ADAMTS9: variants seen among roughly 807,000 people sequenced by gnomAD.
ADAMTS9 encodes ADAM metallopeptidase with thrombospondin type 1 motif 9, also known as A disintegrin and metalloproteinase with thrombospondin motifs 9.
Under a neutral mutation model 257.1 loss-of-function variants are expected in ADAMTS9, and 107 were observed. That is an observed-to-expected ratio of 0.42 (90% confidence interval 0.36 to 0.49). The LOEUF is 0.49. Ranked by LOEUF, ADAMTS9 falls within the 20% of genes least tolerant of loss-of-function variation. The pLI is 0.03. For synonymous variants in ADAMTS9, 982 were observed against 880.9 expected (o/e 1.11, Z -2.03); for missense variants, 2,353 against 2,469.1 (o/e 0.95, Z 1.00).
chr3:64,604,385 C>G (rs2106815960), intron 23 of ADAMTS9, 54 bp from the exon 24 acceptor site: 1 of 1,281,232 alleles, frequency 7.8e-7, no homozygotes, highest in African/African-American at 1.5e-5. Flanking sequence ...AATGCACTTT[C>G]AAGGTAATGG....
At chr3:64,551,851 C>T (rs761479921) in intron 30 of ADAMTS9, among the ~76,000 whole-genome samples, 34 of 152,340 alleles carry the variant, frequency 2.2e-4, no homozygotes, top group Admixed American at 3.3e-4. Flanking sequence ...AGTTTCAGCT[C>T]TCACAAGTAA....
chr3:64,595,802 C>T (rs2106793402), intron 27 of ADAMTS9, among the ~76,000 whole-genome samples: 1 of 152,218 alleles, frequency 6.6e-6, no homozygotes, highest in South Asian at 2.1e-4. Context: ...TCTTTTTCCC[C>T]CCCTTGGCAC....
rs543780985 is a variant in ADAMTS9 at position 64,647,241 on chromosome 3, T to G, written c.1710+699A>C. Reference sequence around the variant, plus strand: ...AAGATTTATATCTAAAACTTTTTGTTACCAAATTTTTGGGCTGATGATGGT... The same window carrying G: ...AAGATTTATATCTAAAACTTTTTGTGACCAAATTTTTGGGCTGATGATGGT... On this transcript the variant is annotated intron_variant, in intron 11 of 39. Transcript: ENST00000498707. 2.6e-5 allele frequency among the ~76,000 whole-genome samples: 4 copies of G among 152,272 alleles called. No individual in the cohort carries two copies. In the East Asian group the frequency reaches 7.7e-4, roughly 29 times the overall value.
chr3:64,678,657 C>A (rs759494984), intron 3 of ADAMTS9, among the ~76,000 whole-genome samples: 5 of 152,172 alleles, frequency 3.3e-5, no homozygotes, highest in African/African-American at 2.4e-5. Flanking sequence ...TGCTAGGCAG[C>A]CCCTTTTCTC....
chr3:64,654,651 G>C lies in ADAMTS9; in HGVS notation c.1170-39C>G, dbSNP rs1296117310. The C allele has an allele frequency of 3.7e-6, 6 of 1,607,040 alleles. No homozygotes were observed. The African/African-American group carries it at 8.0e-5, about 21-fold the overall frequency. On this transcript the variant is annotated intron_variant, in intron 6 of 39. Transcript: ENST00000498707. ...AGACTTAGGCCTTGATGACATCAAA[G>C]AGTAAATGTCAATACAAGTAAATAC...
chr3:64,597,089 C>T lies in ADAMTS9; in HGVS notation c.4018-98G>A, dbSNP rs540085341. ...AGGTTAAGACAAATGTGCTGAAAAG[C>T]ATTCTCAAGTCATCCACGAAGGACA... On this transcript the variant is annotated intron_variant, in intron 26 of 39. Transcript: ENST00000498707. 5.2e-4 allele frequency: 773 copies of T among 1,482,348 alleles called. 1 individual carries two copies. The highest frequency in any genetic ancestry group is 6.5e-4 in the Non-Finnish European group (712 of 1,092,896). 91.8% of individuals were successfully genotyped at this position (1,482,348 alleles called of 1,614,324 possible).
At position 64,568,568 on chromosome 3, in the gene ADAMTS9, G is replaced by GT. The variant is rs1559768580; in HGVS notation, c.4357-34dup. On this transcript the variant is annotated intron_variant, in intron 28 of 39. Transcript: ENST00000498707. ...ATAAAGCAATGGCAAGGTTGTTGTT[G>GT]TTTTTTAATTACACGGAGTTTGAGA... 7 of 1,606,296 alleles carry GT rather than the reference G, an allele frequency of 4.4e-6. No homozygotes were observed. In the East Asian group the frequency reaches 1.6e-4, roughly 36 times the overall value.
intron 27 of ADAMTS9, among the ~76,000 whole-genome samples, chr3:64,596,552 T>C (rs1254770008): frequency 6.6e-6 from 1 of 152,164 alleles, no homozygotes; most frequent in African/African-American, 2.4e-5. Flanking sequence ...TTTAAAAGCA[T>C]CTATTTTTTA....
intron 30 of ADAMTS9, 112 bp downstream of exon 30, chr3:64,561,466 G>T: frequency 8.2e-7 from 1 of 1,218,410 alleles, no homozygotes; most frequent in Non-Finnish European, 1.1e-6. Flanking sequence ...GAAAGAGCCA[G>T]CATTGTAACC....
chr3:64,550,689 T>A (rs1170752418), intron 31 of ADAMTS9: 4 of 600,782 alleles, frequency 6.7e-6, no homozygotes, highest in African/African-American at 3.7e-5. Flanking sequence ...TTAGAGACCA[T>A]CTCTTACATC....
At chr3:64,569,606 A>T (rs1462489995) in intron 28 of ADAMTS9, among the ~76,000 whole-genome samples, 2 of 151,216 alleles carry the variant, frequency 1.3e-5, no homozygotes, top group African/African-American at 4.9e-5. Flanking sequence ...CTCATGAAAC[A>T]TATTAACTCA....
At chr3:64,631,698 C>T (rs758110078) in intron 15 of ADAMTS9, 110 bp downstream of exon 15, 41 of 1,211,766 alleles carry the variant, frequency 3.4e-5, no homozygotes, top group Admixed American at 1.1e-4. Flanking sequence ...TCCACCATAA[C>T]GAGACTGATT....
intron 38 of ADAMTS9, among the ~76,000 whole-genome samples, chr3:64,531,529 G>A (rs957949421): frequency 1.3e-5 from 2 of 150,632 alleles, no homozygotes; most frequent in Non-Finnish European, 2.9e-5. Flanking sequence ...GTGCAGTCGC[G>A]CAATCATGGC....
chr3:64,658,526 G>A lies in ADAMTS9; in HGVS notation c.945C>T (p.His315=). 6.2e-7 allele frequency: 1 copy of A among 1,612,884 alleles called. No individual in the cohort carries two copies. The highest frequency in any genetic ancestry group is 8.5e-7 in the Non-Finnish European group (1 of 1,179,662). The part of the protein sequence containing the change: ...MVSYHGENLQ[H]YILTLMSIVA... Reference sequence around the variant, plus strand: ...CAATTGACATTAAAGTTAAAATATAGTGTTGAAGGTTTTCTCCATGGTATG... The same window carrying A: ...CAATTGACATTAAAGTTAAAATATAATGTTGAAGGTTTTCTCCATGGTATG... Residue 315 remains histidine, a synonymous_variant, in exon 4 of 40, where the codon CAC becomes CAT. Coordinates refer to ENST00000498707, the MANE Select transcript of ADAMTS9 (RefSeq NM_182920.2).
chr3:64,531,148 A>G (rs1464881368), intron 38 of ADAMTS9, among the ~76,000 whole-genome samples: 1 of 151,014 alleles, frequency 6.6e-6, no homozygotes, highest in East Asian at 2.0e-4. Context: ...GAGAAGAGAG[A>G]GAGTGAGATA....
intron 29 of ADAMTS9, among the ~76,000 whole-genome samples, chr3:64,566,373 G>A (rs1390650798): frequency 1.3e-5 from 2 of 152,104 alleles, no homozygotes; most frequent in Non-Finnish European, 2.9e-5. Context: ...AATCAAATCA[G>A]GACATTATAA....
intron 23 of ADAMTS9, among the ~76,000 whole-genome samples, chr3:64,604,997 G>C (rs1559787945): frequency 6.6e-6 from 1 of 152,328 alleles, no homozygotes; most frequent in African/African-American, 2.4e-5. Context: ...ATTATCCTGT[G>C]ACTTAATACA....
At chr3:64,530,325 G>A (rs1283462888) in intron 38 of ADAMTS9, among the ~76,000 whole-genome samples, 8 of 152,050 alleles carry the variant, frequency 5.3e-5, no homozygotes, top group African/African-American at 1.7e-4. Flanking sequence ...AGTGTTGGGC[G>A]GTGGAAGCCT....
At chr3:64,659,578 C>T (rs1701175861) in intron 3 of ADAMTS9, among the ~76,000 whole-genome samples, 1 of 151,384 alleles carries the variant, frequency 6.6e-6, no homozygotes, top group Admixed American at 6.6e-5. Flanking sequence ...ACAGACGATA[C>T]AGAGGAACTG....
Sources: gnomAD v4.1 joint callset for allele counts (sites outside exome capture counted in the v4.1 genomes callset) on GRCh38, gnomAD v4.1.1 for gene constraint, MANE v1.5 for transcripts, NCBI Gene and HGNC (gene_info 2026-07-23, HGNC 2026-07-21) for gene names.